ETFRF1: variants seen among roughly 807,000 people sequenced by gnomAD.
The protein encoded by ETFRF1 is electron transfer flavoprotein regulatory factor 1.
ETFRF1 carries 12 observed loss-of-function variants against 9.0 expected under a neutral mutation model. The observed-to-expected ratio is 1.34, with a 90% CI of 0.86 to 2.16. ETFRF1 has a LOEUF of 2.16. Among genes scored for constraint, ETFRF1 ranks in the 30% most tolerant of loss-of-function variants. The pLI is 0.00. For synonymous variants in ETFRF1, 34 were observed against 33.2 expected (o/e 1.02, Z -0.08); for missense variants, 98 against 101.8 (o/e 0.96, Z 0.16).
chr12:25,204,048 A>G, intron 2 of ETFRF1, 41 bp downstream of exon 2: 1 of 1,539,172 alleles, frequency 6.5e-7, no homozygotes, highest in South Asian at 1.2e-5. Context: ...ATGTTATTAT[A>G]TGACATGGAT....
At chr12:25,203,475 CCTT>C (rs1951093555) in intron 1 of ETFRF1, among the ~76,000 whole-genome samples, 2 of 152,210 alleles carry the variant, frequency 1.3e-5, no homozygotes, top group South Asian at 4.1e-4. Flanking sequence ...TGCTCAATGT[CCTT>C]CAAGTGGCTC....
rs530750684 is a variant in ETFRF1 at position 25,202,662 on chromosome 12, T to C, written c.-37-1258T>C. Among the ~76,000 whole-genome samples the C allele has an allele frequency of 8.5e-5, 13 of 152,122 alleles. No homozygotes were observed. In the South Asian group the frequency reaches 1.5e-3, roughly 17 times the overall value. ...GGCAGAGCTCAGAGAGTAGAGTGTG[T>C]GCGCCGAATGGTGACAGCAAGAGGA... On this transcript the variant is annotated intron_variant, in intron 1 of 2. Transcript: ENST00000381356.
At chr12:25,196,307 GCTTC>G (rs1951003576) in intron 1 of ETFRF1, 1 of 152,142 alleles carries the variant, frequency 6.6e-6, no homozygotes, top group Non-Finnish European at 1.5e-5. Context: ...GAAAGTTAAG[GCTTC>G]CTTTTAAATT....
Position 25,204,085 on chromosome 12 carries a change from T to C in ETFRF1, c.52-6T>C, listed in dbSNP as rs1315147192. Reference sequence around the variant, plus strand: ...GTTTAGAAATATATAATCTTTCTTTTTGAAGCTGCTGTATCTTGGACGAGA... The same window carrying C: ...GTTTAGAAATATATAATCTTTCTTTCTGAAGCTGCTGTATCTTGGACGAGA... On this transcript the variant is annotated splice_region_variant and splice_polypyrimidine_tract_variant and intron_variant, in intron 2 of 2. Transcript: ENST00000381356. The C allele has an allele frequency of 1.9e-6, 3 of 1,565,594 alleles. No individual in the cohort carries two copies. Among genetic ancestry groups the C allele is most frequent in the Non-Finnish European group, 2.6e-6 (3 of 1,153,832 alleles).
At chr12:25,196,544 CCTGGAA>C (rs1951012655) in intron 1 of ETFRF1, among the ~76,000 whole-genome samples, 1 of 152,140 alleles carries the variant, frequency 6.6e-6, no homozygotes, top group Non-Finnish European at 1.5e-5. Flanking sequence ...TTTCCATTAG[CCTGGAA>C]CTGGAACTGG....
chr12:25,201,830 G>T (rs1272230937), intron 1 of ETFRF1, among the ~76,000 whole-genome samples: 1 of 152,024 alleles, frequency 6.6e-6, no homozygotes, highest in Non-Finnish European at 1.5e-5. Context: ...TGTAGCGCAT[G>T]ATTTTTAATT....
At chr12:25,202,110 G>A (rs1951079385) in intron 1 of ETFRF1, among the ~76,000 whole-genome samples, 2 of 147,552 alleles carry the variant, frequency 1.4e-5, no homozygotes, top group South Asian at 4.4e-4. Flanking sequence ...GCGCGCACAC[G>A]TAGTCCCAGC....
At chr12:25,202,063 C>CACAAAAAA (rs1951077710) in intron 1 of ETFRF1, among the ~76,000 whole-genome samples, 1 of 52,814 alleles carries the variant, frequency 1.9e-5, no homozygotes, top group African/African-American at 5.9e-5. Context: ...TACTGAAATA[C>CACAAAAAA]AAAAAAAAAA....
intron 1 of ETFRF1, among the ~76,000 whole-genome samples, chr12:25,196,666 G>A (rs538177725): frequency 6.6e-6 from 1 of 152,182 alleles, no homozygotes; most frequent in African/African-American, 2.4e-5. Flanking sequence ...CAGAATAATA[G>A]GGGGCTTCTC....
intron 1 of ETFRF1, among the ~76,000 whole-genome samples, chr12:25,199,313 C>T (rs987072595): frequency 8.8e-5 from 12 of 136,214 alleles, no homozygotes; most frequent in African/African-American, 2.9e-4. Context: ...CTACATAGTA[C>T]ATATAGTACA....
chr12:25,195,317 G>A lies in ETFRF1; in HGVS notation c.-58G>A, dbSNP rs555657775. The A allele has an allele frequency of 3.3e-6, 2 of 603,534 alleles. No homozygotes were observed. The highest frequency in any genetic ancestry group is 5.5e-5 in the East Asian group (2 of 36,288). The allele number at this position is 603,534 out of a possible 1,614,324, so 37.4% of individuals were successfully genotyped here. A position where few individuals can be genotyped will look rare whatever the true frequency, so the allele number is the denominator to read the frequency against. Reference sequence around the variant, plus strand: ...AGGAGTCGTAGCGGTCGAGGCTTTTGCGGCTCCGGCGTGCCGGAAAGTGCG... The same window carrying A: ...AGGAGTCGTAGCGGTCGAGGCTTTTACGGCTCCGGCGTGCCGGAAAGTGCG... On this transcript the variant is annotated 5_prime_UTR_variant, in exon 1 of 3. Coordinates refer to ENST00000381356, the MANE Select transcript of ETFRF1 (RefSeq NM_001001660.3).
chr12:25,197,361 T>C (rs1256246171), intron 1 of ETFRF1, among the ~76,000 whole-genome samples: 2 of 152,252 alleles, frequency 1.3e-5, no homozygotes, highest in Non-Finnish European at 2.9e-5. Context: ...AATGAAGCTG[T>C]GCTGTTAGGC....
chr12:25,202,805 A>C (rs1251458852), intron 1 of ETFRF1, among the ~76,000 whole-genome samples: 1 of 152,224 alleles, frequency 6.6e-6, no homozygotes, highest in Admixed American at 6.5e-5. Flanking sequence ...AAAGAGGGGA[A>C]ATGAAAATAA....
Position 25,204,779 on chromosome 12 carries a change from A to C in ETFRF1, c.*467A>C, listed in dbSNP as rs1951115154. The C allele has an allele frequency of 5.3e-6, 1 of 187,048 alleles. No homozygotes were observed. Among genetic ancestry groups the C allele is most frequent in the South Asian group, 1.9e-4 (1 of 5,142 alleles). 11.6% of individuals were successfully genotyped at this position (187,048 alleles called of 1,614,324 possible). A position where few individuals can be genotyped will look rare whatever the true frequency, so the allele number is the denominator to read the frequency against. ...GCACATACTCAAGGTTCACTACAAA[A>C]CAAACAGTTCCTGGTAATGATTTAA... On this transcript the variant is annotated 3_prime_UTR_variant, in exon 3 of 3. Transcript: ENST00000381356.
chr12:25,195,554 G>A (rs1950974010), intron 1 of ETFRF1: 3 of 191,630 alleles, frequency 1.6e-5, no homozygotes, highest in African/African-American at 2.4e-5. Context: ...GACACCCGGT[G>A]GGAGGCCTGG....
chr12:25,200,417 C>A (rs971300993), intron 1 of ETFRF1, among the ~76,000 whole-genome samples: 1 of 152,056 alleles, frequency 6.6e-6, no homozygotes, highest in Non-Finnish European at 1.5e-5. Flanking sequence ...GTGTCCAGTA[C>A]AATGGATAAA....
In ETFRF1 at chr12:25,201,033, C is replaced by T. The variant is rs189594660; in HGVS notation, c.-37-2887C>T. ...CTTACCGGTATTTGCCTTGTCTTGA[C>T]CATGTGGTGATGAAATTCCTGCTCT... On this transcript the variant is annotated intron_variant, in intron 1 of 2. Coordinates refer to ENST00000381356, the MANE Select transcript of ETFRF1 (RefSeq NM_001001660.3). Among the ~76,000 whole-genome samples the T allele has an allele frequency of 6.0e-4, 92 of 152,312 alleles. 1 individual carries two copies. Among genetic ancestry groups the T allele is most frequent in the Middle Eastern group, 3.4e-3 (1 of 294 alleles).
rs1950960296 is a variant in ETFRF1 at position 25,195,316 on chromosome 12, T to G, written c.-59T>G. 3.3e-6 allele frequency: 2 copies of G among 604,722 alleles called. No individual in the cohort carries two copies. The highest frequency in any genetic ancestry group is 3.7e-5 in the African/African-American group (2 of 53,976). The allele number at this position is 604,722 out of a possible 1,614,324, so 37.5% of individuals were successfully genotyped here. ...GAGGAGTCGTAGCGGTCGAGGCTTT[T>G]GCGGCTCCGGCGTGCCGGAAAGTGC... On this transcript the variant is annotated 5_prime_UTR_variant, in exon 1 of 3. Coordinates refer to ENST00000381356, the MANE Select transcript of ETFRF1 (RefSeq NM_001001660.3).
intron 1 of ETFRF1, among the ~76,000 whole-genome samples, chr12:25,198,216 G>T (rs998599553): frequency 6.6e-6 from 1 of 152,158 alleles, no homozygotes; most frequent in African/African-American, 2.4e-5. Context: ...AGGCATTCTA[G>T]AGAAGCACAC....
Sources: gnomAD v4.1 joint callset for allele counts (sites outside exome capture counted in the v4.1 genomes callset) on GRCh38, gnomAD v4.1.1 for gene constraint, MANE v1.5 for transcripts, NCBI Gene and HGNC (gene_info 2026-07-23, HGNC 2026-07-21) for gene names.